The following TENM3 variants were observed in gnomAD, a reference collection of about 807,000 sequenced individuals.
The protein encoded by TENM3 is teneurin-3.
TENM3 carries 63 observed loss-of-function variants against 255.1 expected under a neutral mutation model. That is an observed-to-expected ratio of 0.25 (90% CI 0.20 to 0.30). The LOEUF (loss-of-function observed/expected upper bound fraction) is 0.30. Ranked by LOEUF, TENM3 falls within the 10% of genes least tolerant of loss-of-function variation. TENM3 has a pLI of 1.00. For synonymous variants in TENM3, 1,306 were observed against 1,322.3 expected, an observed-to-expected ratio of 0.99 and a Z score of 0.27; for missense variants, 2,929 against 3,461.1, an observed-to-expected ratio of 0.85 and a Z score of 3.86.
chr4:181,876,018 G>A, the TENM3 span, among the ~76,000 whole-genome samples: 1 of 152,144 alleles, frequency 6.6e-6, no homozygotes, highest in Non-Finnish European at 1.5e-5. Context: ...CTCTTTAAAG[G>A]TACAATGTCC....
the TENM3 span, among the ~76,000 whole-genome samples, chr4:181,884,750 C>T: frequency 1.4e-4 from 22 of 152,038 alleles, no homozygotes; most frequent in East Asian, 1.5e-3. Flanking sequence ...AAAATACTAG[C>T]AAAATTATCT....
chr4:182,279,040 C>T (rs983733600), intron 1 of TENM3, among the ~76,000 whole-genome samples: 110 of 152,164 alleles, frequency 7.2e-4, no homozygotes, highest in African/African-American at 2.2e-3. Flanking sequence ...GGATCTGGCA[C>T]GGACCTAAGA....
At chr4:182,180,539 A>G (rs1251241522) in intron 1 of TENM3, among the ~76,000 whole-genome samples, 3 of 152,130 alleles carry the variant, frequency 2.0e-5, no homozygotes, top group African/African-American at 7.2e-5. Flanking sequence ...GATGAGTTTC[A>G]TAAAGTCATT....
chr4:181,840,165 G>A, the TENM3 span, among the ~76,000 whole-genome samples: 1 of 151,898 alleles, frequency 6.6e-6, no homozygotes, highest in South Asian at 2.1e-4. Context: ...CCTTAGGTGT[G>A]TCTAAACTAC....
the TENM3 span, among the ~76,000 whole-genome samples, chr4:181,690,344 C>T: frequency 2.0e-5 from 3 of 152,240 alleles, no homozygotes; most frequent in South Asian, 6.2e-4. Flanking sequence ...CCAGGGCCAT[C>T]GCTTTGTAAA....
chr4:181,465,494 G>A, the TENM3 span, among the ~76,000 whole-genome samples: 1 of 152,084 alleles, frequency 6.6e-6, no homozygotes, highest in East Asian at 1.9e-4. Context: ...AAGATAGTCA[G>A]AAAAGGTGAC....
chr4:182,233,108 C>T (rs989565335), intron 1 of TENM3, among the ~76,000 whole-genome samples: 1 of 152,156 alleles, frequency 6.6e-6, no homozygotes, highest in Non-Finnish European at 1.5e-5. Flanking sequence ...GCTTCCAGAT[C>T]ACCCAGAAGC....
the TENM3 span, among the ~76,000 whole-genome samples, chr4:181,742,662 TTTTA>T: frequency 4.0e-5 from 6 of 151,414 alleles, no homozygotes; most frequent in East Asian, 3.9e-4. Context: ...TTTTTTGCTG[TTTTA>T]TTTATTTTTA....
chr4:182,155,664 A>G (rs1230976478), intron 1 of TENM3, among the ~76,000 whole-genome samples: 1 of 152,174 alleles, frequency 6.6e-6, no homozygotes, highest in African/African-American at 2.4e-5. Context: ...CCAAATTTCA[A>G]TTATTTTATG....
chr4:181,945,060 G>A, the TENM3 span, among the ~76,000 whole-genome samples: 1 of 151,996 alleles, frequency 6.6e-6, no homozygotes, highest in African/African-American at 2.4e-5. Flanking sequence ...CAACCTTAAT[G>A]TGATGAAATT....
At chr4:182,249,538 TCTGCTCCATCGTAGACTGAA>T (rs1423238150) in intron 1 of TENM3, among the ~76,000 whole-genome samples, 1 of 152,162 alleles carries the variant, frequency 6.6e-6, no homozygotes, top group Non-Finnish European at 1.5e-5. Context: ...CTTAAAATCT[TCTGCTCCATCGTAGACTGAA>T]CCGCTTCCTC....
intron 1 of TENM3, among the ~76,000 whole-genome samples, chr4:182,230,812 CTATA>C (rs55642239): frequency 0.07 from 3,999 of 57,188 alleles, 125 homozygotes; most frequent in Admixed American, 0.095. Flanking sequence ...GTTTCTCAAA[CTATA>C]TATATATATA....
At chr4:182,284,783 C>T (rs1292538356) in intron 1 of TENM3, among the ~76,000 whole-genome samples, 1 of 152,032 alleles carries the variant, frequency 6.6e-6, no homozygotes, top group Non-Finnish European at 1.5e-5. Flanking sequence ...TTCAGAACAC[C>T]GAAAGCTTAT....
intron 3 of TENM3, among the ~76,000 whole-genome samples, chr4:182,538,068 C>T (rs1308258304): frequency 6.6e-6 from 1 of 152,112 alleles, no homozygotes; most frequent in African/African-American, 2.4e-5. Flanking sequence ...CAATTGAATG[C>T]TTAAATATAT....
intron 19 of TENM3, among the ~76,000 whole-genome samples, chr4:182,744,708 T>A (rs1209832821): frequency 6.6e-6 from 1 of 152,262 alleles, no homozygotes; most frequent in African/African-American, 2.4e-5. Context: ...CGTAAATTCC[T>A]CTTTGCCTAT....
chr4:182,335,309 A>AAC (rs1764043106), intron 2 of TENM3, among the ~76,000 whole-genome samples: 1 of 73,200 alleles, frequency 1.4e-5, no homozygotes, highest in Non-Finnish European at 2.9e-5. Flanking sequence ...CCATCCTGTG[A>AAC]ATGGTGAAAC....
chr4:181,574,295 G>A, the TENM3 span, among the ~76,000 whole-genome samples: 1 of 152,072 alleles, frequency 6.6e-6, no homozygotes, highest in Admixed American at 6.5e-5. Flanking sequence ...ACTTTGGGAG[G>A]CCGAGGCGGG....
chr4:182,215,295 AG>A (rs1294295888), intron 1 of TENM3, among the ~76,000 whole-genome samples: 1 of 152,230 alleles, frequency 6.6e-6, no homozygotes, highest in Non-Finnish European at 1.5e-5. Flanking sequence ...AATGAAAAAA[AG>A]AAAAGATGAC....
At chr4:182,621,321 A>C in intron 4 of TENM3, among the ~76,000 whole-genome samples, 1 of 151,976 alleles carries the variant, frequency 6.6e-6, no homozygotes, top group Non-Finnish European at 1.5e-5. Context: ...CATGTTTTAT[A>C]GCATTTCTGT....
Sources: gnomAD v4.1 joint callset for allele counts (sites outside exome capture counted in the v4.1 genomes callset) on GRCh38, gnomAD v4.1.1 for gene constraint, MANE v1.5 for transcripts, NCBI Gene and HGNC (gene_info 2026-07-23, HGNC 2026-07-21) for gene names.